The following ADAM18 variants were observed in gnomAD, a reference collection of about 807,000 sequenced individuals.
ADAM18 encodes the protein ADAM metallopeptidase domain 18, also known as disintegrin and metalloproteinase domain-containing protein 18.
ADAM18 carries 117 observed loss-of-function variants against 94.4 expected under a neutral mutation model. The observed-to-expected ratio is 1.24, with a 90% CI of 1.07 to 1.45. The LOEUF is 1.45. Among genes scored for constraint, ADAM18 ranks in the 40% most tolerant of loss-of-function variants. The probability of loss-of-function intolerance (pLI) is 0.00; values close to 1 mark genes in which losing one functional copy is unlikely to be tolerated. For synonymous variants in ADAM18, 327 were observed against 291.6 expected (o/e 1.12, Z -1.24); for missense variants, 936 against 880.0 (o/e 1.06, Z -0.81).
At position 39,584,620 on chromosome 8, in the gene ADAM18, G is replaced by T. The variant is rs1393250408; in HGVS notation, c.-3G>T. The T allele has an allele frequency of 6.2e-7, 1 of 1,612,728 alleles. No individual in the cohort carries two copies. The highest frequency in any genetic ancestry group is 8.5e-7 in the Non-Finnish European group (1 of 1,180,038). On this transcript the variant is annotated 5_prime_UTR_variant, in exon 1 of 20. Transcript: ENST00000265707. ...GCTGTGGCTCCTGCGCTCTGGCTGA[G>T]CCATGTTCCTTCTCCTCGCCCTCCT...
At chr8:39,720,864 C>A (rs973473001) in intron 18 of ADAM18, among the ~76,000 whole-genome samples, 3 of 151,366 alleles carry the variant, frequency 2.0e-5, no homozygotes, top group African/African-American at 7.3e-5. Context: ...ATTGACACTT[C>A]CCGTGTATGC....
intron 6 of ADAM18, chr8:39,611,095 A>C: frequency 1.0e-6 from 1 of 997,748 alleles, no homozygotes; most frequent in East Asian, 1.1e-4. Flanking sequence ...ATGTTGCCAG[A>C]TGCTCTTAAT....
chr8:39,674,449 C>CT (rs1193049090), intron 14 of ADAM18, among the ~76,000 whole-genome samples: 1 of 151,838 alleles, frequency 6.6e-6, no homozygotes, highest in Non-Finnish European at 1.5e-5. Context: ...GCAACCCCTG[C>CT]TTTTTTTTGC....
Position 39,606,324 on chromosome 8 carries a change from A to G in ADAM18, c.150A>G (p.Thr50=). 1 of 1,560,480 alleles carries G rather than the reference A, an allele frequency of 6.4e-7. No homozygotes were observed. The highest frequency in any genetic ancestry group is 1.9e-5 in the Admixed American group (1 of 53,244). ...TATTTTAGATGATTTACATCATTAC[A>G]ATTGATGGACAACCTTACACTCTAC... The part of the protein sequence containing the change: ...VSERKMIYII[T]IDGQPYTLHL... The change falls in exon 3 of 20, where the codon ACA becomes ACG. Residue 50 remains threonine, a synonymous_variant. Transcript: ENST00000265707.
chr8:39,659,563 G>T (rs185246646), intron 12 of ADAM18, among the ~76,000 whole-genome samples: 1 of 152,088 alleles, frequency 6.6e-6, no homozygotes, highest in Admixed American at 6.5e-5. Flanking sequence ...AACAAAATAC[G>T]TGGAATATGC....
At chr8:39,589,896 C>T (rs867574684) in intron 2 of ADAM18, among the ~76,000 whole-genome samples, 9 of 151,102 alleles carry the variant, frequency 6.0e-5, no homozygotes, top group South Asian at 2.1e-4. Context: ...TACCATCTCA[C>T]ACCAGTTAGA....
chr8:39,689,014 T>C (rs1249842885), intron 16 of ADAM18, among the ~76,000 whole-genome samples: 1 of 152,222 alleles, frequency 6.6e-6, no homozygotes, highest in Non-Finnish European at 1.5e-5. Flanking sequence ...TGTCTTCTTT[T>C]GAAAAGTATC....
At chr8:39,681,364 C>T (rs144399112) in intron 16 of ADAM18, among the ~76,000 whole-genome samples, 1 of 152,282 alleles carries the variant, frequency 6.6e-6, no homozygotes, top group East Asian at 1.9e-4. Context: ...GTCGGACCAA[C>T]AGGTGAGACT....
chr8:39,680,277 T>C, intron 16 of ADAM18, 51 bp downstream of exon 16: 2 of 1,496,756 alleles, frequency 1.3e-6, no homozygotes, highest in Non-Finnish European at 1.8e-6. Flanking sequence ...ATGTGAATTA[T>C]CAGATACTGC....
chr8:39,716,264 G>T (rs990724822), intron 18 of ADAM18, among the ~76,000 whole-genome samples: 1 of 151,250 alleles, frequency 6.6e-6, no homozygotes, highest in African/African-American at 2.4e-5. Context: ...TCTCTTTCTA[G>T]TTCTTTGAAG....
intron 12 of ADAM18, among the ~76,000 whole-genome samples, chr8:39,654,697 T>A (rs957092042): frequency 6.6e-6 from 1 of 152,188 alleles, no homozygotes; most frequent in African/African-American, 2.4e-5. Context: ...AGCATCCACA[T>A]TAGCATTTGT....
chr8:39,682,742 G>T (rs1821501828), intron 16 of ADAM18, among the ~76,000 whole-genome samples: 1 of 152,146 alleles, frequency 6.6e-6, no homozygotes, highest in Non-Finnish European at 1.5e-5. Flanking sequence ...TAGTGTCAAA[G>T]ATCTACAAAT....
Position 39,585,259 on chromosome 8 carries a change from A to G in ADAM18, c.56-17A>G. ...ATGCAAAACAAAGACAAAAACAAAC[A>G]CATTTTCTTACTGCAGGTTCTGAAG... On this transcript the variant is annotated splice_polypyrimidine_tract_variant and intron_variant, in intron 1 of 19. Coordinates refer to ENST00000265707, the MANE Select transcript of ADAM18 (RefSeq NM_014237.3). 1.2e-6 allele frequency: 2 copies of G among 1,603,706 alleles called. No homozygotes were observed. The highest frequency in any genetic ancestry group is 1.7e-6 in the Non-Finnish European group (2 of 1,172,270).
chr8:39,643,113 TG>T (rs1470669750), intron 10 of ADAM18, among the ~76,000 whole-genome samples: 1 of 152,160 alleles, frequency 6.6e-6, no homozygotes, highest in Non-Finnish European at 1.5e-5. Context: ...GGAATACCAG[TG>T]ATTTTTGCAT....
At chr8:39,672,599 C>T (rs1404734746) in intron 14 of ADAM18, among the ~76,000 whole-genome samples, 5 of 152,108 alleles carry the variant, frequency 3.3e-5, no homozygotes, top group African/African-American at 4.8e-5. Context: ...CAGTAAATAT[C>T]GCAATGTTAG....
rs1341919791 is a variant in ADAM18, at chr8:39,668,186, A to G, written c.1515A>G (p.Ile505Met). ...CQTTDNQCAK[I>M]FGKGAQGAPF... ...CTACTGATAACCAGTGTGCCAAGATATTTGGAAAAGGTATTGCTCTTTCTT... is the reference window on the plus strand; with the variant it reads ...CTACTGATAACCAGTGTGCCAAGATGTTTGGAAAAGGTATTGCTCTTTCTT... The change falls in exon 14 of 20, where the codon ATA (isoleucine) becomes ATG (methionine). Residue 505 changes from isoleucine (I) to methionine (M), a missense_variant. By Grantham distance (10) the Ile-to-Met change is conservative. Transcript: ENST00000265707. 7 of 1,613,906 alleles carry G rather than the reference A, an allele frequency of 4.3e-6. No individual in the cohort carries two copies. Among genetic ancestry groups the G allele is most frequent in the African/African-American group, 1.3e-5 (1 of 74,914 alleles).
intron 6 of ADAM18, among the ~76,000 whole-genome samples, chr8:39,615,446 C>T (rs556343121): frequency 6.6e-6 from 1 of 152,238 alleles, no homozygotes; most frequent in South Asian, 2.1e-4. Context: ...CATTCAGTAG[C>T]AGGTTGTTTA....
At chr8:39,635,370 C>T (rs1356155216) in intron 7 of ADAM18, among the ~76,000 whole-genome samples, 1 of 152,104 alleles carries the variant, frequency 6.6e-6, no homozygotes, top group African/African-American at 2.4e-5. Context: ...ATCAGCATTT[C>T]TAATGTTCAC....
intron 6 of ADAM18, chr8:39,611,653 C>A: frequency 1.1e-6 from 1 of 888,354 alleles, no homozygotes; most frequent in Non-Finnish European, 1.3e-6. Context: ...AAAAGTTGGA[C>A]AAACTGCACA....
Sources: gnomAD v4.1 joint callset for allele counts (sites outside exome capture counted in the v4.1 genomes callset) on GRCh38, gnomAD v4.1.1 for gene constraint, MANE v1.5 for transcripts, NCBI Gene and HGNC (gene_info 2026-07-23, HGNC 2026-07-21) for gene names.